Variants in MSRA observed in about 807,000 individuals in gnomAD.
MSRA encodes the protein mitochondrial peptide methionine sulfoxide reductase.
In MSRA, 54 loss-of-function variants were observed where a neutral mutation model predicts 31.3. The ratio of observed to expected loss-of-function variants is 1.73; its 90% confidence interval spans 1.39 to 2.17. MSRA has a LOEUF of 2.17. Ranked by LOEUF, MSRA falls within the 30% of genes most tolerant of loss-of-function variation. The pLI, the probability that MSRA is intolerant of heterozygous loss-of-function variation, is 0.00. For synonymous variants in MSRA, 169 were observed against 116.5 expected, an observed-to-expected ratio of 1.45 and a Z score of -2.90; for missense variants, 507 against 300.9, an observed-to-expected ratio of 1.69 and a Z score of -5.07.
intron 2 of MSRA, among the ~76,000 whole-genome samples, chr8:10,233,315 T>C (rs1211353073): frequency 6.6e-6 from 1 of 152,162 alleles, no homozygotes; most frequent in East Asian, 1.9e-4. Context: ...ACTGTGAAAA[T>C]GAGCCTGCAA....
At chr8:10,106,234 A>G (rs939913807) in intron 1 of MSRA, among the ~76,000 whole-genome samples, 6 of 152,196 alleles carry the variant, frequency 3.9e-5, no homozygotes, top group Non-Finnish European at 7.3e-5. Flanking sequence ...GACAGTGGCC[A>G]TACGCTTTGC....
chr8:10,369,325 C>T (rs1805349878), intron 5 of MSRA, among the ~76,000 whole-genome samples: 1 of 151,340 alleles, frequency 6.6e-6, no homozygotes, highest in Non-Finnish European at 1.5e-5. Context: ...TTCTAGACAG[C>T]TTATTTGAAC....
chr8:10,283,832 T>TAC (rs1338639680), intron 3 of MSRA, among the ~76,000 whole-genome samples: 133 of 65,312 alleles, frequency 2.0e-3, no homozygotes, highest in Non-Finnish European at 2.9e-3. Flanking sequence ...TATATATATA[T>TAC]ATATACACAC....
chr8:10,418,444 G>A (rs898943597), intron 5 of MSRA, among the ~76,000 whole-genome samples: 1 of 152,162 alleles, frequency 6.6e-6, no homozygotes, highest in African/African-American at 2.4e-5. Flanking sequence ...CGACTGCTGG[G>A]GGATGGGCAG....
At position 10,163,641 on chromosome 8, in the gene MSRA, T is replaced by C. The variant is rs542268953; in HGVS notation, c.143-44192T>C. Among the ~76,000 whole-genome samples the C allele has an allele frequency of 2.0e-5, 3 of 152,274 alleles. No homozygotes were observed. In the South Asian group the frequency reaches 6.2e-4, roughly 32 times the overall value. On this transcript the variant is annotated intron_variant, in intron 1 of 5. Coordinates refer to ENST00000317173, the MANE Select transcript of MSRA (RefSeq NM_012331.5). ...GATGAAATGTGAAATCAGTATGGCA[T>C]TGGGTGGAAACAGAATTCTACTGCA...
At chr8:10,250,763 G>A in intron 3 of MSRA, 1 of 366,326 alleles carries the variant, frequency 2.7e-6, no homozygotes, top group Non-Finnish European at 4.9e-6. Context: ...TATGTGTCCT[G>A]TCCTGAGCCC....
chr8:10,054,710 C>A (rs114746252), intron 1 of MSRA, 52 bp downstream of exon 1: 197,157 of 1,423,428 alleles, frequency 0.14, 14,399 homozygotes, highest in African/African-American at 0.24. Flanking sequence ...GCATGCGCGC[C>A]TTTGCCCGGC....
At chr8:10,313,575 C>A (rs972874042) in intron 4 of MSRA, among the ~76,000 whole-genome samples, 15 of 151,918 alleles carry the variant, frequency 9.9e-5, no homozygotes, top group African/African-American at 3.6e-4. Flanking sequence ...TTGGTAAACA[C>A]ACCAATTCTC....
chr8:10,166,886 C>A (rs1258069612), intron 1 of MSRA, among the ~76,000 whole-genome samples: 1 of 152,152 alleles, frequency 6.6e-6, no homozygotes, highest in East Asian at 1.9e-4. Context: ...TGCCCCCATA[C>A]CCCTAATTAA....
At chr8:10,357,699 A>G (rs983155390) in intron 5 of MSRA, among the ~76,000 whole-genome samples, 9 of 152,102 alleles carry the variant, frequency 5.9e-5, no homozygotes, top group African/African-American at 2.2e-4. Flanking sequence ...GTATTTCAAG[A>G]CCAGCTGGGG....
At chr8:10,308,659 C>T (rs892873150) in intron 4 of MSRA, among the ~76,000 whole-genome samples, 1 of 152,228 alleles carries the variant, frequency 6.6e-6, no homozygotes, top group African/African-American at 2.4e-5. Flanking sequence ...GCTCATACCA[C>T]AGTTCTCCCC....
In MSRA at chr8:10,220,921, C is replaced by T. The variant is rs945457397; in HGVS notation, c.211+13020C>T. 2.0e-5 allele frequency among the ~76,000 whole-genome samples: 3 copies of T among 152,314 alleles called. No individual in the cohort carries two copies. The East Asian group carries it at 5.8e-4, about 29-fold the overall frequency. ...TTCAGGAATGTGATGACACTAGGAG[C>T]AGGAAGTGACAGCTACCTGAGGACA... On this transcript the variant is annotated intron_variant, in intron 2 of 5. Transcript: ENST00000317173.
chr8:10,304,771 G>A (rs1729150479), intron 4 of MSRA, among the ~76,000 whole-genome samples: 1 of 152,134 alleles, frequency 6.6e-6, no homozygotes, highest in Admixed American at 6.5e-5. Flanking sequence ...AGAAGATGAG[G>A]GTGGTGAAGA....
chr8:10,397,261 A>G (rs940795552), intron 5 of MSRA, among the ~76,000 whole-genome samples: 2 of 152,190 alleles, frequency 1.3e-5, no homozygotes, highest in African/African-American at 2.4e-5. Context: ...CAGTGCGCAA[A>G]TATTTAAGCT....
intron 1 of MSRA, among the ~76,000 whole-genome samples, chr8:10,185,454 C>T (rs1806950837): frequency 6.6e-6 from 1 of 152,122 alleles, no homozygotes; most frequent in African/African-American, 2.4e-5. Flanking sequence ...CCTGTTTCTG[C>T]CTTTCTACCT....
In MSRA at chr8:10,337,888, C is replaced by A. The variant is rs1017683035; in HGVS notation, c.543+17899C>A. ...AGTGGTCCTCACAAATGCACACATTCTTTGTTATGACAGCAGGGCTTCGTG... is the reference window on the plus strand; with the variant it reads ...AGTGGTCCTCACAAATGCACACATTATTTGTTATGACAGCAGGGCTTCGTG... On this transcript the variant is annotated intron_variant, in intron 5 of 5. Transcript: ENST00000317173. 8.7e-6 allele frequency: 6 copies of A among 689,494 alleles called. No homozygotes were observed. In the East Asian group the frequency reaches 1.3e-4, roughly 16 times the overall value. The allele number at this position is 689,494 out of a possible 1,614,324, so 42.7% of individuals were successfully genotyped here.
Position 10,238,500 on chromosome 8 carries a change from A to G in MSRA, c.212-6604A>G, listed in dbSNP as rs148044892. 2.6e-5 allele frequency among the ~76,000 whole-genome samples: 4 copies of G among 152,338 alleles called. No individual in the cohort carries two copies. In the East Asian group the frequency reaches 7.7e-4, roughly 29 times the overall value. On this transcript the variant is annotated intron_variant, in intron 2 of 5. Transcript: ENST00000317173. ...CTGGGTGCTTAGAGCACTTCCTGGC[A>G]TATAGTAGGCACTGAAAAAATATTT...
At chr8:10,173,502 C>T (rs953386589) in intron 1 of MSRA, among the ~76,000 whole-genome samples, 2 of 152,202 alleles carry the variant, frequency 1.3e-5, no homozygotes, top group African/African-American at 2.4e-5. Context: ...GAATCCTGAA[C>T]CCTGAAGGAA....
intron 2 of MSRA, among the ~76,000 whole-genome samples, chr8:10,220,954 C>G (rs1252466148): frequency 6.6e-6 from 1 of 152,136 alleles, no homozygotes; most frequent in Non-Finnish European, 1.5e-5. Context: ...ACAGATGAGC[C>G]CAGAAACCCT....
Sources: allele counts gnomAD v4.1 joint callset (sites outside exome capture counted in the v4.1 genomes callset), GRCh38; gene constraint gnomAD v4.1.1; transcripts MANE v1.5; gene names NCBI Gene and HGNC (gene_info 2026-07-23, HGNC 2026-07-21).